The following AUTS2 variants were observed in gnomAD, a reference collection of about 807,000 sequenced individuals.
AUTS2 encodes the protein autism susceptibility gene 2 protein.
AUTS2 carries 17 observed loss-of-function variants against 112.4 expected under a neutral mutation model. The observed-to-expected ratio is 0.15, with a 90% confidence interval of 0.10 to 0.23. The LOEUF is 0.23. Among genes scored for constraint, AUTS2 ranks in the 10% least tolerant of loss-of-function variants. The probability of loss-of-function intolerance (pLI) is 1.00; values close to 1 mark genes in which losing one functional copy is unlikely to be tolerated. For missense variants in AUTS2, 1,510 were observed against 1,701.6 expected (o/e 0.89, Z 1.98); for synonymous variants, 751 against 702.7 (o/e 1.07, Z -1.09).
intron 5 of AUTS2, among the ~76,000 whole-genome samples, chr7:70,464,554 C>T (rs565665425): frequency 1.3e-5 from 2 of 152,312 alleles, no homozygotes; most frequent in African/African-American, 2.4e-5. Context: ...TAGGGTCTCA[C>T]GGCTAGTACA....
chr7:70,278,669 A>G (rs1788061904), intron 4 of AUTS2, among the ~76,000 whole-genome samples: 1 of 152,220 alleles, frequency 6.6e-6, no homozygotes, highest in African/African-American at 2.4e-5. Flanking sequence ...ATTCACTTTA[A>G]AAAGCATTGA....
At chr7:70,637,045 G>A (rs1805570471) in intron 5 of AUTS2, among the ~76,000 whole-genome samples, 1 of 152,170 alleles carries the variant, frequency 6.6e-6, no homozygotes, top group Non-Finnish European at 1.5e-5. Flanking sequence ...TATGTGTTAT[G>A]TCAGGTAGGT....
At chr7:69,904,844 G>A (rs955276723) in intron 2 of AUTS2, among the ~76,000 whole-genome samples, 4 of 152,168 alleles carry the variant, frequency 2.6e-5, no homozygotes, top group African/African-American at 9.7e-5. Flanking sequence ...AAGGAAAGAT[G>A]GAGGGAATAA....
intron 1 of AUTS2, among the ~76,000 whole-genome samples, chr7:69,733,668 A>G (rs1052982486): frequency 3.3e-5 from 5 of 152,160 alleles, no homozygotes; most frequent in African/African-American, 1.2e-4. Context: ...TATAAACAGT[A>G]TGTAGTGTTA....
At chr7:69,864,730 A>G (rs1167402516) in intron 1 of AUTS2, among the ~76,000 whole-genome samples, 1 of 152,148 alleles carries the variant, frequency 6.6e-6, no homozygotes, top group East Asian at 1.9e-4. Flanking sequence ...AGAAGCATTA[A>G]TGCCAGGTGC....
At chr7:70,714,445 G>A (rs1810243073) in intron 6 of AUTS2, among the ~76,000 whole-genome samples, 1 of 152,094 alleles carries the variant, frequency 6.6e-6, no homozygotes, top group South Asian at 2.1e-4. Context: ...ATCACATGTT[G>A]TTATCACACT....
intron 4 of AUTS2, among the ~76,000 whole-genome samples, chr7:70,404,369 C>T (rs117125637): frequency 6.6e-6 from 1 of 152,280 alleles, no homozygotes; most frequent in Non-Finnish European, 1.5e-5. Context: ...ATCTCTCTGG[C>T]TTCAAGGTGA....
intron 5 of AUTS2, among the ~76,000 whole-genome samples, chr7:70,539,993 C>A (rs879539962): frequency 4.6e-5 from 7 of 152,206 alleles, no homozygotes; most frequent in Admixed American, 2.0e-4. Flanking sequence ...CACTGTTTTC[C>A]AGCCATTAGC....
intron 5 of AUTS2, among the ~76,000 whole-genome samples, chr7:70,610,467 A>T (rs1326160768): frequency 9.8e-6 from 1 of 101,792 alleles, no homozygotes; most frequent in African/African-American, 4.0e-5. Context: ...ACAGAGTCTC[A>T]TTCTGTTGCC....
chr7:69,780,588 A>C (rs943280333), intron 1 of AUTS2, among the ~76,000 whole-genome samples: 4 of 152,218 alleles, frequency 2.6e-5, no homozygotes, highest in Non-Finnish European at 5.9e-5. Context: ...CTAATTTCAC[A>C]GGTGACTGGT....
At chr7:69,787,423 A>G (rs1391841425) in intron 1 of AUTS2, among the ~76,000 whole-genome samples, 1 of 152,222 alleles carries the variant, frequency 6.6e-6, no homozygotes, top group Non-Finnish European at 1.5e-5. Flanking sequence ...CTTTCTCTCT[A>G]AAGCACTTAA....
chr7:70,555,823 G>A (rs1425815601), intron 5 of AUTS2, among the ~76,000 whole-genome samples: 3 of 143,096 alleles, frequency 2.1e-5, no homozygotes, highest in Admixed American at 7.2e-5. Context: ...TTTTTTTTGA[G>A]ACAGAGTCTC....
rs927179720 is a variant in AUTS2, at chr7:70,037,152, A to T, written c.523-80980A>T. ...AAAATAAGTCAGACATGAAAAAAAA[A>T]TTGCATGATTTCACATATGTAGAAT... On this transcript the variant is annotated intron_variant, in intron 2 of 18. Coordinates refer to ENST00000342771, the MANE Select transcript of AUTS2 (RefSeq NM_015570.4). Among the ~76,000 whole-genome samples, 6 of 152,352 alleles carry T rather than the reference A, an allele frequency of 3.9e-5. No individual in the cohort carries two copies. In the East Asian group the frequency reaches 7.7e-4, roughly 20 times the overall value.
chr7:70,159,097 T>C (rs1807942278), intron 4 of AUTS2, among the ~76,000 whole-genome samples: 1 of 152,218 alleles, frequency 6.6e-6, no homozygotes, highest in Non-Finnish European at 1.5e-5. Context: ...ATCTCCTCTC[T>C]GAACATTGAT....
chr7:70,275,829 C>G (rs1216007073), intron 4 of AUTS2, among the ~76,000 whole-genome samples: 1 of 152,218 alleles, frequency 6.6e-6, no homozygotes, highest in Non-Finnish European at 1.5e-5. Flanking sequence ...GCTTCCCCTT[C>G]TGCCATGATC....
intron 4 of AUTS2, among the ~76,000 whole-genome samples, chr7:70,404,840 G>T (rs532921000): frequency 6.6e-6 from 1 of 152,254 alleles, no homozygotes; most frequent in South Asian, 2.1e-4. Flanking sequence ...TACAGAAATG[G>T]GTTTCATAAG....
In AUTS2 at chr7:70,653,521, G is replaced by A. The variant is rs191646379; in HGVS notation, c.691-45048G>A. 4.6e-5 allele frequency among the ~76,000 whole-genome samples: 7 copies of A among 152,264 alleles called. No individual in the cohort carries two copies. The East Asian group carries it at 1.2e-3, about 25-fold the overall frequency. On this transcript the variant is annotated intron_variant, in intron 5 of 18. Coordinates refer to ENST00000342771, the MANE Select transcript of AUTS2 (RefSeq NM_015570.4). ...AGATCCAGTTCAAATGCTACTTCTT[G>A]AAGCTCTTTTTGATACTGCTTTCTC...
At chr7:70,770,087 A>C (rs1055405057) in intron 10 of AUTS2, among the ~76,000 whole-genome samples, 1 of 152,190 alleles carries the variant, frequency 6.6e-6, no homozygotes, top group African/African-American at 2.4e-5. Flanking sequence ...GAGTTATTTC[A>C]TATTAGGAGT....
chr7:70,283,983 T>C (rs1788342648), intron 4 of AUTS2, among the ~76,000 whole-genome samples: 4 of 152,164 alleles, frequency 2.6e-5, no homozygotes, highest in Admixed American at 2.6e-4. Context: ...AATTGCATAT[T>C]TATAATTCTT....
Sources: allele counts gnomAD v4.1 joint callset (sites outside exome capture counted in the v4.1 genomes callset), GRCh38; gene constraint gnomAD v4.1.1; transcripts MANE v1.5; gene names NCBI Gene and HGNC (gene_info 2026-07-23, HGNC 2026-07-21).